The following PCDH9 variants were observed in gnomAD, a reference collection of about 807,000 sequenced individuals.
PCDH9 encodes protocadherin-9.
PCDH9 carries 24 observed loss-of-function variants against 70.6 expected under a neutral mutation model. That is an observed-to-expected ratio of 0.34 (90% CI 0.25 to 0.48). The LOEUF (loss-of-function observed/expected upper bound fraction) is 0.48. Among genes scored for constraint, PCDH9 ranks in the 20% least tolerant of loss-of-function variants. The pLI is 0.99. For missense variants in PCDH9, 1,281 were observed against 1,503.6 expected (o/e 0.85, Z 2.45); for synonymous variants, 562 against 558.5 (o/e 1.01, Z -0.09).
chr13:66,496,891 T>G (rs974742007), intron 4 of PCDH9, among the ~76,000 whole-genome samples: 2 of 152,234 alleles, frequency 1.3e-5, no homozygotes, highest in African/African-American at 4.8e-5. Flanking sequence ...TGATATTCTT[T>G]GAAGTTTGAA....
chr13:66,664,066 TAA>T, intron 3 of PCDH9, among the ~76,000 whole-genome samples: 1 of 152,330 alleles, frequency 6.6e-6, no homozygotes, highest in Admixed American at 6.5e-5. Context: ...CACTGTGGGA[TAA>T]GTTTCCTATC....
chr13:66,344,645 G>A (rs773753624), intron 4 of PCDH9, among the ~76,000 whole-genome samples: 1 of 151,996 alleles, frequency 6.6e-6, no homozygotes, highest in Non-Finnish European at 1.5e-5. Context: ...CAATACAAGG[G>A]GTAAAATTAA....
chr13:66,596,547 C>T (rs1185496099), intron 4 of PCDH9, among the ~76,000 whole-genome samples: 1 of 151,588 alleles, frequency 6.6e-6, no homozygotes, highest in Non-Finnish European at 1.5e-5. Flanking sequence ...TATTGCTAGA[C>T]ATTTGCTATT....
At chr13:66,842,188 ATGGTATGGTCATTTT>A (rs769541968) in intron 3 of PCDH9, among the ~76,000 whole-genome samples, 90 of 152,304 alleles carry the variant, frequency 5.9e-4, no homozygotes, top group Middle Eastern at 3.4e-3. Flanking sequence ...TTTCTTATAC[ATGGTATGGTCATTTT>A]TGAAATCCAA....
chr13:66,330,239 G>C (rs757046376), intron 4 of PCDH9, among the ~76,000 whole-genome samples: 38 of 152,150 alleles, frequency 2.5e-4, no homozygotes, highest in Non-Finnish European at 5.1e-4. Flanking sequence ...GCCTGGCACT[G>C]GCTGCTTATT....
intron 3 of PCDH9, among the ~76,000 whole-genome samples, chr13:66,869,899 G>C (rs2081643841): frequency 6.6e-6 from 1 of 152,240 alleles, no homozygotes; most frequent in South Asian, 2.1e-4. Context: ...GTGAAGGTAA[G>C]AATGAGTCCA....
At chr13:66,397,000 C>T (rs1234449426) in intron 4 of PCDH9, among the ~76,000 whole-genome samples, 2 of 152,098 alleles carry the variant, frequency 1.3e-5, no homozygotes, top group Admixed American at 6.6e-5. Context: ...CCTTTGAATT[C>T]AGGCAGAACA....
rs2078496426 is a variant in PCDH9, at chr13:66,692,115, A to AT, written c.3139-60705dup. Among the ~76,000 whole-genome samples, 6 of 152,278 alleles carry AT rather than the reference A, an allele frequency of 3.9e-5. No individual in the cohort carries two copies. The South Asian group carries it at 1.2e-3, about 32-fold the overall frequency. ...AACATGCTATAACAAAGCTTCTTTG[A>AT]TATTAGCCTCTACATGGCATGAAGA... On this transcript the variant is annotated intron_variant, in intron 3 of 4. Transcript: ENST00000377865.
intron 3 of PCDH9, among the ~76,000 whole-genome samples, chr13:66,895,778 G>A (rs866582821): frequency 6.6e-6 from 1 of 152,134 alleles, no homozygotes; most frequent in Admixed American, 6.5e-5. Context: ...ATTTACACCT[G>A]TTTTGTACTC....
intron 2 of PCDH9, among the ~76,000 whole-genome samples, chr13:67,187,012 A>G (rs1169801183): frequency 6.6e-6 from 1 of 152,142 alleles, no homozygotes. Flanking sequence ...GTTTCTTTCA[A>G]TTTATGTGGA....
chr13:66,726,416 A>T (rs766866032), intron 3 of PCDH9, among the ~76,000 whole-genome samples: 3 of 152,158 alleles, frequency 2.0e-5, no homozygotes, highest in Non-Finnish European at 4.4e-5. Context: ...AAGCATACAA[A>T]CTCAGAGGGT....
chr13:67,114,968 G>A (rs987713180), intron 2 of PCDH9, among the ~76,000 whole-genome samples: 1 of 152,154 alleles, frequency 6.6e-6, no homozygotes, highest in African/African-American at 2.4e-5. Context: ...ACCCGTTTGT[G>A]TTAGCTCCTA....
chr13:67,141,405 T>C (rs1247531016), intron 2 of PCDH9, among the ~76,000 whole-genome samples: 1 of 152,004 alleles, frequency 6.6e-6, no homozygotes, highest in East Asian at 1.9e-4. Flanking sequence ...CTGGGCAATA[T>C]AGTAAGATCT....
At chr13:66,423,636 G>C (rs1055798222) in intron 4 of PCDH9, among the ~76,000 whole-genome samples, 1 of 152,146 alleles carries the variant, frequency 6.6e-6, no homozygotes, top group African/African-American at 2.4e-5. Flanking sequence ...AGCCCTTCAT[G>C]CTAAAAACAC....
intron 2 of PCDH9, among the ~76,000 whole-genome samples, chr13:66,927,041 TAA>T (rs2082728070): frequency 6.6e-6 from 1 of 152,036 alleles, no homozygotes; most frequent in African/African-American, 2.4e-5. Flanking sequence ...AGGAAAATAG[TAA>T]AGTCTTCATT....
At chr13:66,736,868 A>G (rs2079157249) in intron 3 of PCDH9, among the ~76,000 whole-genome samples, 1 of 152,204 alleles carries the variant, frequency 6.6e-6, no homozygotes, top group East Asian at 1.9e-4. Context: ...GACTTAACTA[A>G]CAACTCTATC....
At chr13:66,763,281 A>G (rs1866983) in intron 3 of PCDH9, among the ~76,000 whole-genome samples, 76,774 of 151,816 alleles carry the variant, frequency 0.51, 21,764 homozygotes, top group Middle Eastern at 0.65. Flanking sequence ...AACTTTGACA[A>G]CGCAACATTC....
intron 3 of PCDH9, among the ~76,000 whole-genome samples, chr13:66,668,648 G>T (rs79138587): frequency 0.025 from 3,778 of 152,216 alleles, 135 homozygotes; most frequent in African/African-American, 0.078. Context: ...ATATGCAGTG[G>T]TGACCGAGAG....
At chr13:67,129,760 C>T (rs1309796365) in intron 2 of PCDH9, among the ~76,000 whole-genome samples, 1 of 151,832 alleles carries the variant, frequency 6.6e-6, no homozygotes, top group Non-Finnish European at 1.5e-5. Context: ...CACTACAAGA[C>T]ACTACTACAA....
Sources: allele counts gnomAD v4.1 joint callset (sites outside exome capture counted in the v4.1 genomes callset), GRCh38; gene constraint gnomAD v4.1.1; transcripts MANE v1.5; gene names NCBI Gene and HGNC (gene_info 2026-07-23, HGNC 2026-07-21).